The following NRG1 variants were observed in gnomAD, a reference collection of about 807,000 sequenced individuals.
NRG1 encodes the protein neuregulin 1.
A neutral mutation model predicts 63.8 loss-of-function variants in NRG1; 18 were observed. The observed-to-expected ratio is 0.28, with a 90% confidence interval of 0.19 to 0.42. The LOEUF is 0.42. NRG1 is among the 10% of genes least tolerant of loss of function. NRG1 has a pLI of 1.00. For missense variants in NRG1, 762 were observed against 814.7 expected (o/e 0.94, Z 0.79); for synonymous variants, 302 against 301.3 (o/e 1.00, Z -0.02).
At chr8:32,759,350 G>C (rs1368912955) in exon 10 of NRG1, 1 of 1,613,924 alleles carries the variant, frequency 6.2e-7, no homozygotes, top group South Asian at 1.1e-5. Flanking sequence ...ATATTGTTGA[G>C]AGAGAAGCAG....
intron 1 of NRG1, among the ~76,000 whole-genome samples, chr8:31,840,576 T>A (rs1826104530): frequency 6.6e-6 from 1 of 152,092 alleles, no homozygotes; most frequent in African/African-American, 2.4e-5. Context: ...TAGTTATGCG[T>A]GGTACTTGAT....
At chr8:31,767,907 C>T (rs1009755570) in intron 1 of NRG1, among the ~76,000 whole-genome samples, 1 of 145,128 alleles carries the variant, frequency 6.9e-6, no homozygotes, top group African/African-American at 2.5e-5. Context: ...TACTTAAATA[C>T]AAATTATCAC....
At chr8:31,726,648 G>A (rs1229500196) in intron 1 of NRG1, among the ~76,000 whole-genome samples, 1 of 152,074 alleles carries the variant, frequency 6.6e-6, no homozygotes, top group East Asian at 1.9e-4. Flanking sequence ...CAATACCAGT[G>A]GGGGAGTGAA....
chr8:31,811,413 A>C (rs1294948230), intron 1 of NRG1, among the ~76,000 whole-genome samples: 1 of 152,142 alleles, frequency 6.6e-6, no homozygotes, highest in East Asian at 1.9e-4. Flanking sequence ...TATTTTTCAA[A>C]TTTCTGATCT....
rs1341269268 is a variant in NRG1 at position 31,702,101 on chromosome 8, A to G, written c.37+62670A>G. On this transcript the variant is annotated intron_variant, in intron 1 of 10. Coordinates refer to the NRG1 transcript ENST00000519301. ...GAGGAGATTCTCTGGAGTTTTTCTCAGGACTCTGGTATTTTCTACTGTCAC... is the reference window on the plus strand; with the variant it reads ...GAGGAGATTCTCTGGAGTTTTTCTCGGGACTCTGGTATTTTCTACTGTCAC... 2.6e-5 allele frequency among the ~76,000 whole-genome samples: 4 copies of G among 152,220 alleles called. No homozygotes were observed. In the East Asian group the frequency reaches 7.7e-4, roughly 29 times the overall value.
chr8:32,658,642 G>A (rs1802093162), intron 5 of NRG1, among the ~76,000 whole-genome samples: 1 of 152,096 alleles, frequency 6.6e-6, no homozygotes, highest in Non-Finnish European at 1.5e-5. Flanking sequence ...GCCCAAAGAT[G>A]TTAACCTTCT....
At chr8:32,286,670 T>C (rs1326375960) in intron 1 of NRG1, among the ~76,000 whole-genome samples, 2 of 152,138 alleles carry the variant, frequency 1.3e-5, no homozygotes, top group Non-Finnish European at 2.9e-5. Context: ...TGTCTGGCCA[T>C]ATGATGCCTG....
chr8:32,220,177 G>A (rs117153869), intron 1 of NRG1, among the ~76,000 whole-genome samples: 1 of 152,058 alleles, frequency 6.6e-6, no homozygotes, highest in Admixed American at 6.5e-5. Flanking sequence ...ACTCAACCTT[G>A]CAGTGGGACA....
At chr8:32,056,016 G>T (rs1045427332) in intron 1 of NRG1, among the ~76,000 whole-genome samples, 11 of 152,068 alleles carry the variant, frequency 7.2e-5, no homozygotes, top group African/African-American at 2.7e-4. Context: ...CTGTTAAATA[G>T]GCTATGGCAC....
chr8:31,961,051 T>C (rs1805368776), intron 1 of NRG1, among the ~76,000 whole-genome samples: 1 of 152,210 alleles, frequency 6.6e-6, no homozygotes, highest in African/African-American at 2.4e-5. Flanking sequence ...AAGCAAGACT[T>C]GCGAAGATGA....
At chr8:31,799,980 T>C (rs145243189) in intron 1 of NRG1, among the ~76,000 whole-genome samples, 24 of 152,320 alleles carry the variant, frequency 1.6e-4, no homozygotes, top group Middle Eastern at 3.4e-3. Context: ...CCACAGCGAT[T>C]TGAAGCCATG....
At chr8:32,249,864 G>T (rs1215685949) in intron 1 of NRG1, among the ~76,000 whole-genome samples, 3 of 152,052 alleles carry the variant, frequency 2.0e-5, no homozygotes, top group Non-Finnish European at 4.4e-5. Context: ...GCAAAATGGA[G>T]AACATTGATT....
chr8:32,338,595 C>T (rs190966607), intron 1 of NRG1, among the ~76,000 whole-genome samples: 1 of 152,162 alleles, frequency 6.6e-6, no homozygotes, highest in East Asian at 1.9e-4. Flanking sequence ...AAATCTGGTA[C>T]TGGTTTTACG....
chr8:32,356,214 T>C (rs1225042395), intron 1 of NRG1, among the ~76,000 whole-genome samples: 1 of 152,166 alleles, frequency 6.6e-6, no homozygotes, highest in Non-Finnish European at 1.5e-5. Flanking sequence ...TTCAAACATA[T>C]GAAGAGAAAT....
chr8:32,018,794 ATT>A (rs1158839007), intron 1 of NRG1, among the ~76,000 whole-genome samples: 1 of 152,208 alleles, frequency 6.6e-6, no homozygotes, highest in Non-Finnish European at 1.5e-5. Flanking sequence ...GTAGATGTAT[ATT>A]TAGCTTTAAT....
chr8:32,597,675 A>G (rs948957241), intron 2 of NRG1, among the ~76,000 whole-genome samples: 14 of 152,178 alleles, frequency 9.2e-5, no homozygotes, highest in African/African-American at 3.4e-4. Flanking sequence ...GCCTCAAGTC[A>G]TATAACTAGT....
intron 1 of NRG1, among the ~76,000 whole-genome samples, chr8:31,813,174 A>T (rs1823053403): frequency 6.6e-6 from 1 of 152,220 alleles, no homozygotes; most frequent in Non-Finnish European, 1.5e-5. Context: ...GCATATAAGA[A>T]AGGATGAACA....
intron 1 of NRG1, among the ~76,000 whole-genome samples, chr8:31,899,841 A>G (rs1181305397): frequency 1.3e-5 from 2 of 151,730 alleles, no homozygotes; most frequent in Non-Finnish European, 2.9e-5. Context: ...CAATAAAAAT[A>G]AAAGAAATAG....
chr8:32,151,585 G>A (rs2131829528), intron 1 of NRG1, among the ~76,000 whole-genome samples: 1 of 152,202 alleles, frequency 6.6e-6, no homozygotes, highest in South Asian at 2.1e-4. Context: ...GTGGTGAACG[G>A]GAAAATCTGT....
Sources: gnomAD v4.1 joint callset for allele counts (sites outside exome capture counted in the v4.1 genomes callset) on GRCh38, gnomAD v4.1.1 for gene constraint, MANE v1.5 for transcripts, NCBI Gene and HGNC (gene_info 2026-07-23, HGNC 2026-07-21) for gene names.